TRHDE: variants seen among roughly 807,000 people sequenced by gnomAD.
TRHDE encodes the protein thyrotropin-releasing hormone-degrading ectoenzyme.
A neutral mutation model predicts 125.7 loss-of-function variants in TRHDE; 72 were observed. The ratio of observed to expected loss-of-function variants is 0.57; its 90% CI spans 0.47 to 0.70. The LOEUF (loss-of-function observed/expected upper bound fraction) is 0.70, where lower values mean the gene tolerates loss of function less well. TRHDE is among the 30% of genes least tolerant of loss of function. TRHDE has a pLI of 0.00. For missense variants in TRHDE, 1,110 were observed against 1,327.1 expected (o/e 0.84, Z 2.54); for synonymous variants, 509 against 509.1 (o/e 1.00, Z 0.00).
chr12:72,229,318 T>C (rs1284936316), intron 2 of TRHDE, among the ~76,000 whole-genome samples: 1 of 152,166 alleles, frequency 6.6e-6, no homozygotes, highest in Non-Finnish European at 1.5e-5. Context: ...AGTGAGCTTG[T>C]GCAGGGGAAC....
chr12:72,446,665 T>C (rs930039317), intron 3 of TRHDE, among the ~76,000 whole-genome samples: 2 of 151,980 alleles, frequency 1.3e-5, no homozygotes, highest in Non-Finnish European at 2.9e-5. Flanking sequence ...TGGAGGAAGA[T>C]CTACCAAGCA....
At chr12:72,125,526 ACT>A (rs1394902782) in intron 2 of TRHDE, among the ~76,000 whole-genome samples, 2 of 151,788 alleles carry the variant, frequency 1.3e-5, no homozygotes, top group African/African-American at 2.4e-5. Context: ...CATCTTTAAT[ACT>A]CCTTTATCCC....
At chr12:72,139,356 T>C (rs1018670496) in intron 2 of TRHDE, among the ~76,000 whole-genome samples, 3 of 152,172 alleles carry the variant, frequency 2.0e-5, no homozygotes, top group African/African-American at 7.2e-5. Flanking sequence ...TTTATAATGA[T>C]AAAAACTTTA....
intron 3 of TRHDE, among the ~76,000 whole-genome samples, chr12:72,387,949 A>G (rs1413942107): frequency 6.6e-6 from 1 of 152,158 alleles, no homozygotes; most frequent in Non-Finnish European, 1.5e-5. Context: ...CGTCTTTATC[A>G]GCAGTGTGAA....
intron 3 of TRHDE, among the ~76,000 whole-genome samples, chr12:72,437,789 C>T (rs1324615082): frequency 2.0e-5 from 3 of 151,612 alleles, no homozygotes; most frequent in Non-Finnish European, 3.0e-5. Context: ...GGTGCGAACA[C>T]TTTATATTCA....
rs535402525 is a variant in TRHDE, at chr12:72,638,538, C to G, written c.2676-13784C>G. ...TAATATTGTTATGTGTGAATTTGAT[C>G]CTGTCATTATGATGTTAGCTGGTGA... On this transcript the variant is annotated intron_variant, in intron 15 of 18. Transcript: ENST00000261180. 2.5e-4 allele frequency among the ~76,000 whole-genome samples: 38 copies of G among 150,824 alleles called. No individual in the cohort carries two copies. The South Asian group carries it at 7.9e-3, about 31-fold the overall frequency.
intron 3 of TRHDE, among the ~76,000 whole-genome samples, chr12:72,429,675 T>G (rs559267636): frequency 6.2e-4 from 94 of 152,150 alleles, no homozygotes; most frequent in African/African-American, 2.2e-3. Context: ...TTTTTATACA[T>G]CCTTGCAAAC....
At chr12:72,224,134 C>G (rs201073815) in intron 2 of TRHDE, among the ~76,000 whole-genome samples, 1,114 of 79,718 alleles carry the variant, frequency 0.014, 11 homozygotes, top group Middle Eastern at 0.018. Context: ...ATCTATCTAT[C>G]TATCTATTTA....
At chr12:72,614,972 A>G (rs1872761567) in intron 12 of TRHDE, among the ~76,000 whole-genome samples, 1 of 152,112 alleles carries the variant, frequency 6.6e-6, no homozygotes, top group Non-Finnish European at 1.5e-5. Flanking sequence ...GATATATTTT[A>G]TTTCAAGCTC....
intron 2 of TRHDE, among the ~76,000 whole-genome samples, chr12:72,117,847 A>G (rs1592446946): frequency 7.1e-6 from 1 of 141,790 alleles, no homozygotes; most frequent in African/African-American, 2.6e-5. Flanking sequence ...AAATGAAACT[A>G]TTTCTTGGTT....
intron 12 of TRHDE, among the ~76,000 whole-genome samples, chr12:72,617,816 A>G (rs2136075399): frequency 6.6e-6 from 1 of 152,302 alleles, no homozygotes; most frequent in African/African-American, 2.4e-5. Context: ...AGAGTCAAGA[A>G]GATGCACTGG....
At chr12:72,407,387 C>A (rs1003419095) in intron 3 of TRHDE, among the ~76,000 whole-genome samples, 8 of 152,148 alleles carry the variant, frequency 5.3e-5, no homozygotes, top group African/African-American at 1.9e-4. Context: ...GATTTACCTG[C>A]ACTTCCAGAG....
chr12:72,187,744 C>A (rs1374499672), intron 2 of TRHDE, among the ~76,000 whole-genome samples: 1 of 152,160 alleles, frequency 6.6e-6, no homozygotes, highest in Non-Finnish European at 1.5e-5. Flanking sequence ...ATCTGGGCAT[C>A]TTTTAGCTCA....
chr12:72,242,442 T>C (rs1352159091), intron 2 of TRHDE, among the ~76,000 whole-genome samples: 2 of 152,192 alleles, frequency 1.3e-5, no homozygotes, highest in Non-Finnish European at 2.9e-5. Flanking sequence ...CCACCGCTCC[T>C]CTGCTCAGAG....
intron 1 of TRHDE, among the ~76,000 whole-genome samples, chr12:72,104,528 C>G (rs771388133): frequency 5.3e-5 from 8 of 152,150 alleles, no homozygotes; most frequent in Admixed American, 5.2e-4. Flanking sequence ...GTTTTATTTG[C>G]TGACACTCCT....
At chr12:72,474,703 C>T (rs1483097648) in intron 5 of TRHDE, among the ~76,000 whole-genome samples, 2 of 152,014 alleles carry the variant, frequency 1.3e-5, no homozygotes, top group African/African-American at 2.4e-5. Context: ...TTTTATACTG[C>T]TCTCTTTTGA....
At chr12:72,564,641 T>C (rs1049670386) in intron 9 of TRHDE, among the ~76,000 whole-genome samples, 4 of 146,386 alleles carry the variant, frequency 2.7e-5, no homozygotes, top group African/African-American at 9.9e-5. Context: ...AATTATAAAA[T>C]CATGCGTATG....
At chr12:72,468,169 G>A (rs186229764) in intron 3 of TRHDE, among the ~76,000 whole-genome samples, 21 of 152,222 alleles carry the variant, frequency 1.4e-4, no homozygotes, top group African/African-American at 4.3e-4. Context: ...CTCTATGCAC[G>A]TGTTCATGTA....
intron 2 of TRHDE, among the ~76,000 whole-genome samples, chr12:72,203,516 T>C (rs898386186): frequency 1.4e-4 from 22 of 152,044 alleles, no homozygotes; most frequent in Non-Finnish European, 1.9e-4. Context: ...TGGTGCAGCA[T>C]GTGGGAGCGT....
Sources: gnomAD v4.1 joint callset for allele counts (sites outside exome capture counted in the v4.1 genomes callset) on GRCh38, gnomAD v4.1.1 for gene constraint, MANE v1.5 for transcripts, NCBI Gene and HGNC (gene_info 2026-07-23, HGNC 2026-07-21) for gene names.